The following COL12A1 variants were observed in gnomAD, a reference collection of about 807,000 sequenced individuals.
The protein encoded by COL12A1 is collagen type XII alpha 1 chain, also known as collagen alpha-1(XII) chain.
Under a neutral mutation model 349.7 loss-of-function variants are expected in COL12A1, and 114 were observed. The observed-to-expected ratio is 0.33, with a 90% CI of 0.28 to 0.38. The LOEUF is 0.38. COL12A1 is among the 10% of genes least tolerant of loss of function. The probability of loss-of-function intolerance (pLI) is 1.00; values close to 1 mark genes in which losing one functional copy is unlikely to be tolerated. For missense variants in COL12A1, 3,284 were observed against 3,756.9 expected (o/e 0.87, Z 3.29); for synonymous variants, 1,369 against 1,329.0 (o/e 1.03, Z -0.66).
chr6:75,184,937 G>A (rs187359316), intron 8 of COL12A1, among the ~76,000 whole-genome samples: 2 of 152,310 alleles, frequency 1.3e-5, no homozygotes, highest in Admixed American at 1.3e-4. Context: ...CCTGCAGGAA[G>A]TGTGTGTAAA....
chr6:75,126,487 A>G lies in COL12A1; in HGVS notation c.6341-17T>C. On this transcript the variant is annotated splice_polypyrimidine_tract_variant and intron_variant, in intron 38 of 65. Transcript: ENST00000322507. Reference sequence around the variant, plus strand: ...GGAGTCCCACTGAAAACAAACATTGACACACATTACTGACCTTTTATTGGC... The same window carrying G: ...GGAGTCCCACTGAAAACAAACATTGGCACACATTACTGACCTTTTATTGGC... The G allele has an allele frequency of 1.2e-6, 2 of 1,606,744 alleles. No individual in the cohort carries two copies. The highest frequency in any genetic ancestry group is 1.7e-6 in the Non-Finnish European group (2 of 1,174,846).
intron 11 of COL12A1, among the ~76,000 whole-genome samples, chr6:75,178,815 G>A (rs1473813662): frequency 1.3e-5 from 2 of 152,134 alleles, no homozygotes; most frequent in African/African-American, 2.4e-5. Flanking sequence ...CAGGGAGAAA[G>A]AAAGGAAGGA....
chr6:75,140,408 G>T (rs1229353968), intron 27 of COL12A1, among the ~76,000 whole-genome samples: 1 of 152,178 alleles, frequency 6.6e-6, no homozygotes, highest in Non-Finnish European at 1.5e-5. Flanking sequence ...TGTAATCCCA[G>T]CACTTTGGGA....
chr6:75,143,462 CAAG>C (rs1430665005), intron 25 of COL12A1, 74 bp from the exon 26 acceptor site: 3 of 1,528,468 alleles, frequency 2.0e-6, no homozygotes, highest in Non-Finnish European at 2.6e-6. Context: ...TGCAAGCTTT[CAAG>C]AAGTTGTTTG....
At chr6:75,141,243 T>C (rs1766877480) in intron 27 of COL12A1, among the ~76,000 whole-genome samples, 1 of 152,210 alleles carries the variant, frequency 6.6e-6, no homozygotes, top group Admixed American at 6.5e-5. Flanking sequence ...GGCTGAGCAC[T>C]GGATTAAGTT....
chr6:75,135,671 G>A (rs1766572271), intron 31 of COL12A1, among the ~76,000 whole-genome samples: 1 of 152,174 alleles, frequency 6.6e-6, no homozygotes, highest in South Asian at 2.1e-4. Context: ...CAAACCAGAT[G>A]TTTCCAACTT....
At position 75,090,588 on chromosome 6, in the gene COL12A1, G is replaced by A. The variant is rs1366039368; in HGVS notation, c.8753-290C>T. On this transcript the variant is annotated intron_variant, in intron 62 of 65. Coordinates refer to ENST00000322507, the MANE Select transcript of COL12A1 (RefSeq NM_004370.6). This position sits in a 1 kb window ranked among gnomAD's most constrained non-coding sequence, Gnocchi z 4.1. ...ATATGGCTCTGAAATAAAGTCTTGA[G>A]ATTTACCAGGTGACATCACTCAAAA... Among the ~76,000 whole-genome samples the A allele has an allele frequency of 6.6e-6, 1 of 152,186 alleles. No individual in the cohort carries two copies. The highest frequency in any genetic ancestry group is 2.4e-5 in the African/African-American group (1 of 41,434).
chr6:75,122,590 C>A (rs1451749322), intron 43 of COL12A1, among the ~76,000 whole-genome samples: 1 of 152,088 alleles, frequency 6.6e-6, no homozygotes, highest in African/African-American at 2.4e-5. Context: ...TTAAAGGAAT[C>A]CATTATTATT....
At chr6:75,134,185 A>T (rs1766463175) in intron 32 of COL12A1, among the ~76,000 whole-genome samples, 188 bp from the exon 33 acceptor site, 10 of 152,188 alleles carry the variant, frequency 6.6e-5, no homozygotes. Flanking sequence ...TCTATCCACA[A>T]GACATTTTGG....
chr6:75,131,133 T>C, intron 35 of COL12A1, 152 bp from the exon 36 acceptor site: 1 of 1,012,066 alleles, frequency 9.9e-7, no homozygotes, highest in Non-Finnish European at 1.4e-6. Context: ...ACCCAGACCA[T>C]ATCATTAAAC....
At chr6:75,169,003 G>T (rs1768475167) in intron 13 of COL12A1, among the ~76,000 whole-genome samples, 1 of 152,188 alleles carries the variant, frequency 6.6e-6, no homozygotes, top group African/African-American at 2.4e-5. Context: ...CAGAGGAGAT[G>T]ATTTAAGCTT....
At chr6:75,191,000 C>T (rs1769899002) in intron 5 of COL12A1, among the ~76,000 whole-genome samples, 1 of 151,620 alleles carries the variant, frequency 6.6e-6, no homozygotes, top group Admixed American at 6.6e-5. Flanking sequence ...GTCATAAATC[C>T]AAGTTTTACG....
intron 13 of COL12A1, among the ~76,000 whole-genome samples, chr6:75,172,269 T>C (rs956159649): frequency 3.3e-5 from 5 of 152,196 alleles, no homozygotes; most frequent in African/African-American, 1.2e-4. Flanking sequence ...GTGCTTCCTG[T>C]AAAATTAAAA....
intron 39 of COL12A1, 122 bp from the exon 40 acceptor site, chr6:75,125,395 C>T: frequency 1.2e-6 from 1 of 821,102 alleles, no homozygotes; most frequent in African/African-American, 1.7e-5. Context: ...AGTCCTCATA[C>T]ACTTACTCAC....
At chr6:75,142,312 G>A in intron 26 of COL12A1, 151 bp from the exon 27 acceptor site, 1 of 885,424 alleles carries the variant, frequency 1.1e-6, no homozygotes, top group Non-Finnish European at 1.7e-6. Flanking sequence ...CCAGAAACTG[G>A]ACACAGTTTA....
chr6:75,189,971 T>C (rs1363959109), intron 5 of COL12A1, among the ~76,000 whole-genome samples, 156 bp from the exon 6 acceptor site: 1 of 151,964 alleles, frequency 6.6e-6, no homozygotes, highest in African/African-American at 2.4e-5. Flanking sequence ...AAATATACAA[T>C]TTTACTAACA....
At chr6:75,193,234 G>A (rs428406) in intron 3 of COL12A1, among the ~76,000 whole-genome samples, 3,586 of 152,166 alleles carry the variant, frequency 0.024, 156 homozygotes, top group African/African-American at 0.081. Flanking sequence ...TTAGGTGTCA[G>A]TTATTCCCAA....
At chr6:75,179,246 T>C (rs1038496927) in intron 11 of COL12A1, among the ~76,000 whole-genome samples, 14 of 152,300 alleles carry the variant, frequency 9.2e-5, no homozygotes, top group South Asian at 4.2e-4. Context: ...CCAAACTCCA[T>C]TGTAGTAGAC....
intron 12 of COL12A1, among the ~76,000 whole-genome samples, chr6:75,176,600 G>C (rs574013381): frequency 1.0e-3 from 154 of 152,270 alleles, no homozygotes; most frequent in African/African-American, 3.5e-3. Flanking sequence ...TCTGCAGTAG[G>C]ACAGTAAAAT....
Sources: gnomAD v4.1 joint callset for allele counts (sites outside exome capture counted in the v4.1 genomes callset) on GRCh38, gnomAD v4.1.1 for gene constraint, Gnocchi (gnomAD v3.1) non-coding constraint, MANE v1.5 for transcripts, NCBI Gene and HGNC (gene_info 2026-07-23, HGNC 2026-07-21) for gene names.